The following SORCS2 variants were observed in gnomAD, a reference collection of about 807,000 sequenced individuals.
SORCS2 encodes sortilin related VPS10 domain containing receptor 2, also known as VPS10 domain-containing receptor SorCS2.
In SORCS2, 100 loss-of-function variants were observed where a neutral mutation model predicts 141.6. The observed-to-expected ratio is 0.71, with a 90% CI of 0.60 to 0.83. The LOEUF (loss-of-function observed/expected upper bound fraction) is 0.83, where lower values mean the gene tolerates loss of function less well. Ranked by LOEUF, SORCS2 falls within the 40% of genes least tolerant of loss-of-function variation. The probability of loss-of-function intolerance (pLI) is 0.00; values close to 1 mark genes in which losing one functional copy is unlikely to be tolerated. For synonymous variants in SORCS2, 789 were observed against 676.9 expected (o/e 1.17, Z -2.57); for missense variants, 1,646 against 1,560.2 (o/e 1.05, Z -0.93).
intron 1 of SORCS2, among the ~76,000 whole-genome samples, chr4:7,325,080 G>A (rs1284210428): frequency 1.3e-5 from 2 of 152,226 alleles, no homozygotes; most frequent in East Asian, 1.9e-4. Flanking sequence ...CTGCTGCTGA[G>A]TGCACGCACC....
chr4:7,325,688 TTTCCAGGCCTGGCCC>T, intron 1 of SORCS2, among the ~76,000 whole-genome samples: 2 of 152,164 alleles, frequency 1.3e-5, no homozygotes, highest in South Asian at 4.1e-4. Context: ...TGGCAGGGCT[TTTCCAGGCCTGGCCC>T]TTCTCAGATG....
At chr4:7,217,204 C>T (rs529164224) in intron 1 of SORCS2, among the ~76,000 whole-genome samples, 6 of 152,178 alleles carry the variant, frequency 3.9e-5, no homozygotes, top group Non-Finnish European at 7.3e-5. Flanking sequence ...TTCCTCCGCC[C>T]GGCCTGGAAC....
intron 2 of SORCS2, among the ~76,000 whole-genome samples, chr4:7,400,330 C>T (rs376595925): frequency 2.0e-5 from 3 of 152,156 alleles, no homozygotes; most frequent in African/African-American, 7.2e-5. Context: ...CTGGATCCTG[C>T]CCCCCATTCA....
At chr4:7,419,723 C>T (rs557154969) in intron 2 of SORCS2, among the ~76,000 whole-genome samples, 1 of 152,066 alleles carries the variant, frequency 6.6e-6, no homozygotes, top group Non-Finnish European at 1.5e-5. Flanking sequence ...AAATAGGCCT[C>T]TCTGCACTGG....
At chr4:7,597,767 T>C (rs912192169) in intron 3 of SORCS2, among the ~76,000 whole-genome samples, 6 of 151,912 alleles carry the variant, frequency 3.9e-5, no homozygotes, top group African/African-American at 1.2e-4. Flanking sequence ...ACATTCGACA[T>C]TGAGATCTAT....
rs1560464422 is a variant in SORCS2, at chr4:7,661,487, T to A, written c.888-13T>A. 3 of 1,551,380 alleles carry A rather than the reference T, an allele frequency of 1.9e-6. No individual in the cohort carries two copies. In the Admixed American group the frequency reaches 5.9e-5, roughly 30 times the overall value. ...CTCCATTCCCGACCCCAGCCTCAGCTCTTCTTTTCCAGGTCTGTGTCTGGG... is the reference window on the plus strand; with the variant it reads ...CTCCATTCCCGACCCCAGCCTCAGCACTTCTTTTCCAGGTCTGTGTCTGGG... On this transcript the variant is annotated splice_polypyrimidine_tract_variant and intron_variant, in intron 5 of 26. Transcript: ENST00000507866.
intron 3 of SORCS2, among the ~76,000 whole-genome samples, chr4:7,588,768 A>G (rs999353859): frequency 6.6e-5 from 10 of 152,326 alleles, no homozygotes; most frequent in Non-Finnish European, 1.5e-4. Context: ...ACATGCATTC[A>G]TTCATTCATG....
At chr4:7,449,937 T>C (rs1335871136) in intron 2 of SORCS2, among the ~76,000 whole-genome samples, 1 of 152,166 alleles carries the variant, frequency 6.6e-6, no homozygotes, top group Non-Finnish European at 1.5e-5. Flanking sequence ...TTCTCGATCC[T>C]TGAAATTAGT....
chr4:7,672,454 A>G (rs1213085510), intron 8 of SORCS2, among the ~76,000 whole-genome samples: 2 of 152,186 alleles, frequency 1.3e-5, no homozygotes, highest in African/African-American at 4.8e-5. Context: ...ATAAACATCT[A>G]TGAAGAAATT....
At chr4:7,242,469 G>T (rs1326067634) in intron 1 of SORCS2, among the ~76,000 whole-genome samples, 1 of 152,068 alleles carries the variant, frequency 6.6e-6, no homozygotes. Context: ...CTCCCAAAGT[G>T]CTGGGATTAT....
intron 3 of SORCS2, among the ~76,000 whole-genome samples, chr4:7,552,609 G>A (rs1233987418): frequency 6.6e-6 from 1 of 152,222 alleles, no homozygotes; most frequent in Non-Finnish European, 1.5e-5. Flanking sequence ...TCATGGAGCA[G>A]GGATACCCTG....
intron 1 of SORCS2, among the ~76,000 whole-genome samples, chr4:7,247,091 G>A (rs1421330859): frequency 6.6e-6 from 1 of 152,150 alleles, no homozygotes; most frequent in Non-Finnish European, 1.5e-5. Flanking sequence ...GGGAGCAGTG[G>A]GCCTACCTGA....
intron 2 of SORCS2, among the ~76,000 whole-genome samples, chr4:7,462,817 A>G (rs1456752326): frequency 6.6e-6 from 1 of 150,614 alleles, no homozygotes; most frequent in Non-Finnish European, 1.5e-5. Flanking sequence ...AGCACTCACT[A>G]TCTGCTGTCA....
In SORCS2 at chr4:7,199,717, C is replaced by T. The variant is rs116178084; in HGVS notation, c.480+6591C>T. Among the ~76,000 whole-genome samples, 1,162 of 152,144 alleles carry T rather than the reference C, an allele frequency of 7.6e-3. 21 individuals carry two copies. Among genetic ancestry groups the T allele is most frequent in the African/African-American group, 0.026 (1,075 of 41,496 alleles). The stretch of plus-strand genomic sequence containing the variant: ...GAAGGCAGAATACAAACTCTGCCTT[C>T]GTTTGTATTCTCATCCAAGTTCAAC... On this transcript the variant is annotated intron_variant, in intron 1 of 26. Transcript: ENST00000507866.
chr4:7,614,178 A>G (rs1718604403), intron 3 of SORCS2, among the ~76,000 whole-genome samples: 1 of 149,482 alleles, frequency 6.7e-6, no homozygotes, highest in South Asian at 2.1e-4. Context: ...CCATCCACCC[A>G]TCAATCCATT....
At chr4:7,530,740 T>C (rs1442386280) in intron 2 of SORCS2, among the ~76,000 whole-genome samples, 1 of 152,230 alleles carries the variant, frequency 6.6e-6, no homozygotes, top group Non-Finnish European at 1.5e-5. Flanking sequence ...ACAACAGATA[T>C]GAAGTTGCCT....
chr4:7,508,921 C>T (rs1161165954), intron 2 of SORCS2, among the ~76,000 whole-genome samples: 1 of 152,066 alleles, frequency 6.6e-6, no homozygotes, highest in Non-Finnish European at 1.5e-5. Context: ...CTGGAGGGGG[C>T]CCGGCTGCAA....
intron 1 of SORCS2, chr4:7,381,968 T>TGG (rs917691846): frequency 3.0e-6 from 3 of 985,664 alleles, no homozygotes; most frequent in Admixed American, 6.1e-5. Context: ...GCCAGGCCTG[T>TGG]GGAGTCTCCA....
intron 1 of SORCS2, among the ~76,000 whole-genome samples, chr4:7,306,368 G>A (rs1046727618): frequency 3.9e-5 from 6 of 152,142 alleles, no homozygotes; most frequent in Non-Finnish European, 8.8e-5. Context: ...TGGTGGGGGT[G>A]GGTGTGTAGC....
Sources: gnomAD v4.1 joint callset for allele counts (sites outside exome capture counted in the v4.1 genomes callset) on GRCh38, gnomAD v4.1.1 for gene constraint, MANE v1.5 for transcripts, NCBI Gene and HGNC (gene_info 2026-07-23, HGNC 2026-07-21) for gene names.